Variants in PDE4D observed in about 807,000 individuals in gnomAD.
PDE4D encodes phosphodiesterase 4D.
Under a neutral mutation model 87.4 loss-of-function variants are expected in PDE4D, and 24 were observed. That is an observed-to-expected ratio of 0.27 (90% CI 0.20 to 0.39). PDE4D has a LOEUF of 0.39. Among genes scored for constraint, PDE4D ranks in the 10% least tolerant of loss-of-function variants. The probability of loss-of-function intolerance (pLI) is 1.00; values close to 1 mark genes in which losing one functional copy is unlikely to be tolerated. For synonymous variants in PDE4D, 384 were observed against 383.2 expected, an observed-to-expected ratio of 1.00 and a Z score of -0.02; for missense variants, 714 against 1,041.0, an observed-to-expected ratio of 0.69 and a Z score of 4.32.
chr5:60,342,772 G>T (rs1758418506), intron 1 of PDE4D, among the ~76,000 whole-genome samples: 1 of 152,114 alleles, frequency 6.6e-6, no homozygotes, highest in Non-Finnish European at 1.5e-5. Context: ...TCTCAGAAGA[G>T]AAATTCCCAA....
intron 5 of PDE4D, among the ~76,000 whole-genome samples, chr5:59,117,457 A>G (rs1009490332): frequency 7.3e-5 from 11 of 151,714 alleles, no homozygotes; most frequent in African/African-American, 2.7e-4. Context: ...ACACACATAC[A>G]TGATCCAATA....
chr5:59,740,067 T>C (rs1580794742), intron 1 of PDE4D, among the ~76,000 whole-genome samples: 2 of 152,296 alleles, frequency 1.3e-5, no homozygotes, highest in Non-Finnish European at 1.5e-5. Context: ...TATCACTAGA[T>C]AAAAGTTCCA....
At chr5:59,926,421 A>G (rs6880175) in intron 3 of PDE4D, among the ~76,000 whole-genome samples, 5,652 of 152,120 alleles carry the variant, frequency 0.037, 330 homozygotes, top group African/African-American at 0.13. Flanking sequence ...TTCAAAAACA[A>G]AAAACCCTAA....
chr5:60,161,175 T>C (rs1782446949), intron 2 of PDE4D, among the ~76,000 whole-genome samples: 3 of 152,176 alleles, frequency 2.0e-5, no homozygotes, highest in Admixed American at 2.0e-4. Flanking sequence ...TTCCACTTTC[T>C]AGTGTTCCAT....
chr5:60,259,008 C>T (rs1562265888), intron 1 of PDE4D, among the ~76,000 whole-genome samples: 1 of 151,874 alleles, frequency 6.6e-6, no homozygotes, highest in South Asian at 2.1e-4. Context: ...AGGGTTTTTT[C>T]CCCTACTTTC....
intron 1 of PDE4D, among the ~76,000 whole-genome samples, chr5:59,546,972 G>A (rs894646565): frequency 3.3e-5 from 5 of 152,144 alleles, no homozygotes; most frequent in African/African-American, 1.2e-4. Flanking sequence ...TTCTCATACA[G>A]TACAGCATAA....
At chr5:59,768,176 T>C (rs1763035254) in intron 1 of PDE4D, 4 of 1,555,982 alleles carry the variant, frequency 2.6e-6, no homozygotes, top group Non-Finnish European at 2.6e-6. Context: ...ACCCCCAAAA[T>C]TAAAGGCGCG....
chr5:59,619,389 C>T (rs1424061470), intron 1 of PDE4D, among the ~76,000 whole-genome samples: 1 of 152,116 alleles, frequency 6.6e-6, no homozygotes, highest in Non-Finnish European at 1.5e-5. Flanking sequence ...AAGGGAATGC[C>T]TGAGAAGGCA....
Position 59,017,820 on chromosome 5 carries a change from A to G in PDE4D, c.921+21039T>C, listed in dbSNP as rs1437124584. On this transcript the variant is annotated intron_variant, in intron 6 of 14. Coordinates refer to ENST00000340635, the MANE Select transcript of PDE4D (RefSeq NM_001104631.2). ...GTTTTACTAAGACATTTTAGAAATG[A>G]AGACTTTACTGAAGGCAATAATAAG... is the stretch of plus-strand genomic sequence containing the variant. 3.9e-5 allele frequency among the ~76,000 whole-genome samples: 6 copies of G among 152,368 alleles called. No individual in the cohort carries two copies. The East Asian group carries it at 1.2e-3, about 29-fold the overall frequency.
At chr5:60,178,852 G>A (rs1307709284) in intron 2 of PDE4D, among the ~76,000 whole-genome samples, 1 of 152,170 alleles carries the variant, frequency 6.6e-6, no homozygotes, top group Non-Finnish European at 1.5e-5. Context: ...CAACCTGGAA[G>A]TGAATTGGTG....
intron 1 of PDE4D, among the ~76,000 whole-genome samples, chr5:60,463,126 A>G (rs545970737): frequency 1.3e-5 from 2 of 152,322 alleles, no homozygotes; most frequent in African/African-American, 4.8e-5. Flanking sequence ...TAGTATATGG[A>G]ATTTTAAAAG....
intron 1 of PDE4D, among the ~76,000 whole-genome samples, chr5:59,417,271 C>T (rs1294016723): frequency 1.3e-5 from 2 of 151,822 alleles, no homozygotes; most frequent in African/African-American, 2.4e-5. Context: ...GTGCTCACAC[C>T]GATAAGGCAA....
At chr5:59,905,550 C>T (rs1752722611) in intron 3 of PDE4D, among the ~76,000 whole-genome samples, 1 of 152,086 alleles carries the variant, frequency 6.6e-6, no homozygotes, top group Admixed American at 6.6e-5. Flanking sequence ...TCCGTTTCAG[C>T]TCCAAGACTT....
At chr5:59,923,188 G>A (rs1452862541) in intron 3 of PDE4D, among the ~76,000 whole-genome samples, 6 of 152,160 alleles carry the variant, frequency 3.9e-5, no homozygotes, top group African/African-American at 9.7e-5. Flanking sequence ...GGTCAGTCAC[G>A]TAAAATAGAA....
chr5:59,571,110 T>C (rs1313534026), intron 1 of PDE4D, among the ~76,000 whole-genome samples: 1 of 152,324 alleles, frequency 6.6e-6, no homozygotes, highest in East Asian at 1.9e-4. Context: ...GAAAATCTTT[T>C]AAGGTAACAT....
intron 5 of PDE4D, among the ~76,000 whole-genome samples, chr5:59,089,418 A>C (rs1213093947): frequency 6.6e-6 from 1 of 152,180 alleles, no homozygotes; most frequent in Admixed American, 6.6e-5. Context: ...CTTGCTCTTT[A>C]ACACTAAATA....
chr5:59,689,798 A>T (rs573037393), intron 1 of PDE4D, among the ~76,000 whole-genome samples: 37 of 152,346 alleles, frequency 2.4e-4, no homozygotes, highest in African/African-American at 8.9e-4. Context: ...TTTGCAGATG[A>T]CATGATTGTA....
At chr5:60,249,080 G>C (rs757232633) in intron 1 of PDE4D, among the ~76,000 whole-genome samples, 2 of 152,036 alleles carry the variant, frequency 1.3e-5, no homozygotes, top group Non-Finnish European at 2.9e-5. Flanking sequence ...GCCATGCAAA[G>C]TGGCTCCTCT....
intron 1 of PDE4D, among the ~76,000 whole-genome samples, chr5:60,369,223 T>C (rs1227957374): frequency 6.6e-6 from 1 of 152,082 alleles, no homozygotes; most frequent in Non-Finnish European, 1.5e-5. Context: ...ACAGATGTTT[T>C]TCTGTCCTCC....
Sources: gnomAD v4.1 joint callset for allele counts (sites outside exome capture counted in the v4.1 genomes callset) on GRCh38, gnomAD v4.1.1 for gene constraint, MANE v1.5 for transcripts, NCBI Gene and HGNC (gene_info 2026-07-23, HGNC 2026-07-21) for gene names.